The following CERS6 variants were observed in gnomAD, a reference collection of about 807,000 sequenced individuals.
CERS6 encodes LAG1 homolog, ceramide synthase 6.
Under a neutral mutation model 56.8 loss-of-function variants are expected in CERS6, and 26 were observed. The observed-to-expected ratio is 0.46, with a 90% confidence interval of 0.34 to 0.63. The LOEUF (loss-of-function observed/expected upper bound fraction) is 0.63. Ranked by LOEUF, CERS6 falls within the 30% of genes least tolerant of loss-of-function variation. The probability of loss-of-function intolerance (pLI) is 0.01; values close to 1 mark genes in which losing one functional copy is unlikely to be tolerated. For missense variants in CERS6, 415 were observed against 467.5 expected (o/e 0.89, Z 1.04); for synonymous variants, 164 against 173.3 (o/e 0.95, Z 0.42).
intron 8 of CERS6, among the ~76,000 whole-genome samples, chr2:168,724,736 G>C (rs1392642148): frequency 6.6e-6 from 1 of 151,364 alleles, no homozygotes; most frequent in Non-Finnish European, 1.5e-5. Flanking sequence ...TACAAACCTT[G>C]AGTTTGAGAC....
At chr2:168,576,436 T>G (rs1377257717) in intron 3 of CERS6, among the ~76,000 whole-genome samples, 1 of 152,204 alleles carries the variant, frequency 6.6e-6, no homozygotes, top group Non-Finnish European at 1.5e-5. Flanking sequence ...GTGCTTGGGA[T>G]ATGGTTTACA....
In CERS6 at chr2:168,657,974, T is replaced by G. The variant is rs558013608; in HGVS notation, c.465+26932T>G. On this transcript the variant is annotated intron_variant, in intron 4 of 9. Coordinates refer to ENST00000305747, the MANE Select transcript of CERS6 (RefSeq NM_203463.3). ...AGGTGCCGAGAGCAAGCGAGGGCTC[T>G]GAGGACTGCCAGCACACTGTCACCT... Among the ~76,000 whole-genome samples the G allele has an allele frequency of 2.6e-5, 4 of 152,332 alleles. No individual in the cohort carries two copies. The East Asian group carries it at 7.7e-4, about 29-fold the overall frequency.
intron 7 of CERS6, 21 bp from the exon 8 acceptor site, chr2:168,717,851 T>G: frequency 6.4e-7 from 1 of 1,565,120 alleles, no homozygotes; most frequent in East Asian, 2.2e-5. Context: ...CATTAATATA[T>G]CACATTCCTT....
chr2:168,665,301 A>G (rs77691052), intron 4 of CERS6, among the ~76,000 whole-genome samples: 1 of 149,892 alleles, frequency 6.7e-6, no homozygotes, highest in African/African-American at 2.5e-5. Context: ...GCATTTTATG[A>G]AAAAAAAAAT....
chr2:168,691,684 T>C (rs1686506704), intron 5 of CERS6, among the ~76,000 whole-genome samples: 1 of 152,226 alleles, frequency 6.6e-6, no homozygotes, highest in African/African-American at 2.4e-5. Flanking sequence ...GGCATACCTT[T>C]GCATCTTTCC....
At chr2:168,610,038 C>T (rs984577663) in intron 3 of CERS6, among the ~76,000 whole-genome samples, 4 of 128,684 alleles carry the variant, frequency 3.1e-5, no homozygotes, top group South Asian at 2.5e-4. Flanking sequence ...AGTGCAGTGG[C>T]GCGACCTCGG....
chr2:168,465,817 T>C (rs1693861044), intron 1 of CERS6, among the ~76,000 whole-genome samples: 1 of 152,102 alleles, frequency 6.6e-6, no homozygotes, highest in Admixed American at 6.6e-5. Flanking sequence ...CTTAATGACA[T>C]AGAACAGTGC....
intron 9 of CERS6, 54 bp from the exon 10 acceptor site, chr2:168,769,456 A>G (rs570312530): frequency 1.4e-6 from 2 of 1,478,310 alleles, no homozygotes; most frequent in African/African-American, 2.9e-5. Flanking sequence ...CTAGCATGCC[A>G]TACCTTGATG....
chr2:168,684,695 A>G (rs1178145352), intron 4 of CERS6, among the ~76,000 whole-genome samples: 13 of 152,216 alleles, frequency 8.5e-5, no homozygotes, highest in African/African-American at 1.2e-4. Context: ...GAGCTTTACA[A>G]TTAGATCTCA....
At chr2:168,462,542 T>C (rs1376419508) in intron 1 of CERS6, among the ~76,000 whole-genome samples, 4 of 152,158 alleles carry the variant, frequency 2.6e-5, no homozygotes, top group African/African-American at 9.7e-5. Flanking sequence ...GATGATTCTT[T>C]TATTTATTTA....
chr2:168,708,878 A>G (rs754514781), intron 6 of CERS6, among the ~76,000 whole-genome samples: 9 of 152,246 alleles, frequency 5.9e-5, no homozygotes, highest in Non-Finnish European at 1.3e-4. Context: ...TATCCAGCCA[A>G]TGAGAATTTG....
rs957387106 is a variant in CERS6 at position 168,702,004 on chromosome 2, C to G, written c.609+6953C>G. 5.3e-5 allele frequency among the ~76,000 whole-genome samples: 8 copies of G among 152,024 alleles called. No homozygotes were observed. The East Asian group carries it at 1.5e-3, about 29-fold the overall frequency. On this transcript the variant is annotated intron_variant, in intron 6 of 9. Transcript: ENST00000305747. Reference sequence around the variant, plus strand: ...TACTGTATTTCTTAGGGAATAATAACAAGAAAAAAGTCTATACATTCTATA... The same window carrying G: ...TACTGTATTTCTTAGGGAATAATAAGAAGAAAAAAGTCTATACATTCTATA...
intron 1 of CERS6, among the ~76,000 whole-genome samples, chr2:168,487,147 C>A (rs1369262958): frequency 6.6e-6 from 1 of 152,176 alleles, no homozygotes; most frequent in Non-Finnish European, 1.5e-5. Context: ...TTAAAACACA[C>A]AAGGTGAGGA....
intron 1 of CERS6, among the ~76,000 whole-genome samples, chr2:168,486,392 T>C (rs1694274380): frequency 6.6e-6 from 1 of 152,124 alleles, no homozygotes; most frequent in African/African-American, 2.4e-5. Flanking sequence ...ATATTTTAAA[T>C]AGTCAAAGCC....
intron 3 of CERS6, among the ~76,000 whole-genome samples, chr2:168,629,024 T>A (rs534843400): frequency 6.6e-6 from 1 of 152,244 alleles, no homozygotes; most frequent in South Asian, 2.1e-4. Context: ...TTTTTCAAGT[T>A]GCAAGATGCT....
intron 4 of CERS6, among the ~76,000 whole-genome samples, chr2:168,674,454 C>T (rs1686002722): frequency 6.6e-6 from 1 of 152,170 alleles, no homozygotes; most frequent in South Asian, 2.1e-4. Flanking sequence ...CTTCTTGATA[C>T]TAGTTTTGGC....
chr2:168,534,155 G>GT (rs1695216469), intron 1 of CERS6, among the ~76,000 whole-genome samples: 1 of 152,006 alleles, frequency 6.6e-6, no homozygotes, highest in Non-Finnish European at 1.5e-5. Context: ...TTTGCATTGG[G>GT]TTAGAACATG....
intron 3 of CERS6, among the ~76,000 whole-genome samples, chr2:168,577,112 G>T (rs573219021): frequency 1.3e-5 from 2 of 152,286 alleles, no homozygotes; most frequent in South Asian, 4.1e-4. Flanking sequence ...AATAGATAGT[G>T]TGTAAAGCCT....
At chr2:168,747,143 G>T (rs972074759) in intron 8 of CERS6, among the ~76,000 whole-genome samples, 8 of 151,838 alleles carry the variant, frequency 5.3e-5, no homozygotes, top group African/African-American at 1.9e-4. Context: ...AAAATTAACC[G>T]AGCATGATGG....
Sources: gnomAD v4.1 joint callset for allele counts (sites outside exome capture counted in the v4.1 genomes callset) on GRCh38, gnomAD v4.1.1 for gene constraint, MANE v1.5 for transcripts, NCBI Gene and HGNC (gene_info 2026-07-23, HGNC 2026-07-21) for gene names.